PKD1: variants seen among roughly 807,000 people sequenced by gnomAD.
PKD1 encodes polycystin-1.
Under a neutral mutation model 361.7 loss-of-function variants are expected in PKD1, and 81 were observed. That is an observed-to-expected ratio of 0.22 (90% CI 0.19 to 0.27). The LOEUF (loss-of-function observed/expected upper bound fraction) is 0.27, where lower values mean the gene tolerates loss of function less well. Ranked by LOEUF, PKD1 falls within the 10% of genes least tolerant of loss-of-function variation. The probability of loss-of-function intolerance (pLI) is 1.00; values close to 1 mark genes in which losing one functional copy is unlikely to be tolerated. For missense variants in PKD1, 6,399 were observed against 6,118.3 expected (o/e 1.05, Z -1.53); for synonymous variants, 3,615 against 2,818.3 (o/e 1.28, Z -8.95).
At position 2,108,451 on chromosome 16, in the gene PKD1, G is replaced by A. The variant is rs770643642; in HGVS notation, c.6716C>T (p.Thr2239Met). The A allele has an allele frequency of 9.9e-6, 16 of 1,610,346 alleles. No individual in the cohort carries two copies. The highest frequency in any genetic ancestry group is 6.7e-5 in the Admixed American group (4 of 59,998). Residue 2239 changes from threonine to methionine, a missense_variant, in exon 15 of 46, where the codon ACG becomes ATG. Transcript: ENST00000262304. ...CFVFVVSFGD[T>M]PLTQSIQANV... ...GGCCTGGATGCTCTGTGTCAGTGGC[G>A]TGTCCCCAAATGACACGACAAACAC...
chr16:2,115,878 C>T (rs1464445505), intron 9 of PKD1, 114 bp downstream of exon 9: 1 of 1,259,172 alleles, frequency 7.9e-7, no homozygotes, highest in Admixed American at 2.0e-5. Context: ...GCTCTGTCCA[C>T]CTAAGACTGG....
In PKD1 at chr16:2,114,239, C is replaced by A; in HGVS notation, c.2784G>T (p.Ala928=). 6.2e-7 allele frequency: 1 copy of A among 1,609,938 alleles called. No homozygotes were observed. Among genetic ancestry groups the A allele is most frequent in the Non-Finnish European group, 8.5e-7 (1 of 1,179,318 alleles). Residue 928 remains alanine (A), a synonymous_variant, in exon 11 of 46, where the codon GCG becomes GCT. Coordinates refer to ENST00000262304, the MANE Select transcript of PKD1 (RefSeq NM_001009944.3). ...CGCGGAGGCCACAGATGGGCTCCTC[C>A]GCCGTCACCCGCAGGCTGAGGTTGG... The part of the protein sequence containing the change: ...SRANLSLRVT[A]EEPICGLRAT...
Position 2,088,761 on chromosome 16 carries a change from G to C in PKD1, c.*966C>G, listed in dbSNP as rs902572213. The stretch of plus-strand genomic sequence containing the variant: ...TTGTCTGCTTGGTGCGGGGGTTGGG[G>C]GGGTGTCGAGGCTCTAGAAGCGGCC... On this transcript the variant is annotated 3_prime_UTR_variant, in exon 46 of 46. Coordinates refer to ENST00000262304, the MANE Select transcript of PKD1 (RefSeq NM_001009944.3). The C allele has an allele frequency of 2.7e-6, 3 of 1,112,990 alleles. No individual in the cohort carries two copies. In the South Asian group the frequency reaches 4.7e-5, roughly 17 times the overall value. The allele number at this position is 1,112,990 out of a possible 1,614,324, so 68.9% of individuals were successfully genotyped here.
chr16:2,126,142 G>C (rs887969455), intron 1 of PKD1, among the ~76,000 whole-genome samples: 1 of 152,260 alleles, frequency 6.6e-6, no homozygotes, highest in African/African-American at 2.4e-5. Context: ...GCCAATGATG[G>C]TACGAGCCAT....
rs749549319 is a variant in PKD1, at chr16:2,110,849, A to G, written c.4318T>C (p.Ser1440Pro). The stretch of plus-strand genomic sequence containing the variant: ...GACGCGGTGACTGTCACAAGATAGG[A>G]GCCTGGGTCTCGGTAGATGAACGTC... ...EVTFIYRDPG[S>P]YLVTVTASNN... Residue 1440 changes from serine to proline, a missense_variant, in exon 15 of 46, where the codon TCC becomes CCC. Transcript: ENST00000262304. The G allele has an allele frequency of 3.0e-5, 49 of 1,611,550 alleles. No homozygotes were observed. The highest frequency in any genetic ancestry group is 4.2e-5 in the Non-Finnish European group (49 of 1,179,730).
Position 2,108,148 on chromosome 16 carries a change from C to G in PKD1, c.6915+104G>C. On this transcript the variant is annotated intron_variant, in intron 15 of 45. Transcript: ENST00000262304. Reference sequence around the variant, plus strand: ...CTCCCCATGCTGGGACGGGGCCCACCAGGCACTGAGGACGGGCCAGCCCTG... The same window carrying G: ...CTCCCCATGCTGGGACGGGGCCCACGAGGCACTGAGGACGGGCCAGCCCTG... 3.4e-6 allele frequency: 5 copies of G among 1,467,072 alleles called. No individual in the cohort carries two copies. The South Asian group carries it at 5.9e-5, about 17-fold the overall frequency. 90.9% of individuals were successfully genotyped at this position (1,467,072 alleles called of 1,614,324 possible).
chr16:2,094,121 T>G lies in PKD1; in HGVS notation c.10589A>C (p.Gln3530Pro), dbSNP rs1221238377. The change falls in exon 35 of 46, where the codon CAG (glutamine) becomes CCG (proline). Residue 3530 changes from glutamine to proline, a missense_variant. By Grantham distance (76) the Gln-to-Pro change is moderately conservative (BLOSUM62 -1). Coordinates refer to ENST00000262304, the MANE Select transcript of PKD1 (RefSeq NM_001009944.3). ...CCTGGACAGCCTCGCTGCCTGGGGC[T>G]GTTCCCAGTTCAGGCCTGGGCTGGG... is the stretch of plus-strand genomic sequence containing the variant. Reference protein sequence around the residue: ...GPPSPGLNWEQPQAARLSRTG... With the variant: ...GPPSPGLNWEPPQAARLSRTG... 4 of 1,594,066 alleles carry G rather than the reference T, an allele frequency of 2.5e-6. No homozygotes were observed. Among genetic ancestry groups the G allele is most frequent in the Non-Finnish European group, 3.4e-6 (4 of 1,169,958 alleles).
In PKD1 at chr16:2,093,361, G is replaced by A. The variant is rs566617655; in HGVS notation, c.11016+183C>T. The A allele has an allele frequency of 5.7e-5, 40 of 702,006 alleles. 1 individual carries two copies. Among genetic ancestry groups the A allele is most frequent in the African/African-American group, 4.4e-4 (25 of 56,352 alleles). 43.5% of individuals were successfully genotyped at this position (702,006 alleles called of 1,614,324 possible). On this transcript the variant is annotated intron_variant, in intron 37 of 45. Transcript: ENST00000262304. ...TGGGCATTGGAGCTGGGCCCTGGCA[G>A]GGACTGGGGCAGCAAGTGGGGGGCG...
In PKD1 at chr16:2,089,265, A is replaced by C. The variant is rs1156532485; in HGVS notation, c.*462T>G. ...TGACATACAAAAATATACACATTTT[A>C]ACACCATATAAATTACTGACACGAG... On this transcript the variant is annotated 3_prime_UTR_variant, in exon 46 of 46. Coordinates refer to ENST00000262304, the MANE Select transcript of PKD1 (RefSeq NM_001009944.3). 1 of 193,072 alleles carries C rather than the reference A, an allele frequency of 5.2e-6. No individual in the cohort carries two copies. The highest frequency in any genetic ancestry group is 1.1e-5 in the Non-Finnish European group (1 of 94,076). 12.0% of individuals were successfully genotyped at this position (193,072 alleles called of 1,614,324 possible). A position where few individuals can be genotyped will look rare whatever the true frequency, so the allele number is the denominator to read the frequency against.
At position 2,109,128 on chromosome 16, in the gene PKD1, G is replaced by C. The variant is rs754704809; in HGVS notation, c.6039C>G (p.Val2013=). 1.2e-6 allele frequency: 2 copies of C among 1,603,304 alleles called. No homozygotes were observed. The highest frequency in any genetic ancestry group is 1.7e-6 in the Non-Finnish European group (2 of 1,174,802). Reference sequence around the variant, plus strand: ...ACAGGATGACCAGCGAGTCGCCCTGGACCTTCTGCAGCGAGAAGTACCAGG... The same window carrying C: ...ACAGGATGACCAGCGAGTCGCCCTGCACCTTCTGCAGCGAGAAGTACCAGG... ...AYAWYFSLQK[V]QGDSLVILSG... The change falls in exon 15 of 46, where the codon GTC becomes GTG. Residue 2013 remains valine, a synonymous_variant. Transcript: ENST00000262304.
chr16:2,090,944 C>T lies in PKD1; in HGVS notation c.11943G>A (p.Ala3981=). The change falls in exon 43 of 46, where the codon GCG becomes GCA. Residue 3981 remains alanine (A), a synonymous_variant. Transcript: ENST00000262304. ...GGCCACGGGCTGCGGAGCTCAGCTG[C>T]GCCACCTGGTCGAAGCTAGTGAAGC... ...PRRFTSFDQV[A]QLSSAARGLA... 4 of 1,568,750 alleles carry T rather than the reference C, an allele frequency of 2.5e-6. No individual in the cohort carries two copies. Among genetic ancestry groups the T allele is most frequent in the East Asian group, 4.6e-5 (2 of 43,190 alleles).
chr16:2,105,986 G>T lies in PKD1; in HGVS notation c.7742C>A (p.Ala2581Glu), dbSNP rs150516444. 2.5e-6 allele frequency: 4 copies of T among 1,603,220 alleles called. No individual in the cohort carries two copies. In the African/African-American group the frequency reaches 5.3e-5, roughly 21 times the overall value. ...GTGCAGCCAGACTGTGAGCCCCGTTGCGCTGCCGTTGGGCTCTGGGAGGGT... is the reference window on the plus strand; with the variant it reads ...GTGCAGCCAGACTGTGAGCCCCGTTTCGCTGCCGTTGGGCTCTGGGAGGGT... ...AITLPEPNGS[A>E]TGLTVWLHGL... Residue 2581 changes from alanine to glutamate, a missense_variant, in exon 20 of 46, where the codon GCA (alanine) becomes GAA (glutamate). Transcript: ENST00000262304.
chr16:2,091,136 G>C lies in PKD1; in HGVS notation c.11751C>G (p.Ala3917=), dbSNP rs756473723. The change falls in exon 43 of 46, where the codon GCC becomes GCG. Residue 3917 remains alanine, a synonymous_variant. Coordinates refer to ENST00000262304, the MANE Select transcript of PKD1 (RefSeq NM_001009944.3). ...CTTCCCTGTGCCAAGTACGGGCCTC[G>C]GCCACGGCGAAGTGCACGGCGAACA... ...LLLFAVHFAV[A]EARTWHREGR... 1 of 1,483,028 alleles carries C rather than the reference G, an allele frequency of 6.7e-7. No homozygotes were observed. Among genetic ancestry groups the C allele is most frequent in the East Asian group, 2.9e-5 (1 of 35,056 alleles). The allele number at this position is 1,483,028 out of a possible 1,614,324, so 91.9% of individuals were successfully genotyped here.
intron 1 of PKD1, among the ~76,000 whole-genome samples, chr16:2,134,543 C>G (rs1573610): frequency 0.23 from 31,711 of 138,688 alleles, 5,220 homozygotes; most frequent in African/African-American, 0.47. Flanking sequence ...TTAGTCCCCT[C>G]CGCCCTTTTC....
At chr16:2,131,416 G>A (rs1271929837) in intron 1 of PKD1, among the ~76,000 whole-genome samples, 1 of 152,160 alleles carries the variant, frequency 6.6e-6, no homozygotes, top group Non-Finnish European at 1.5e-5. Flanking sequence ...GCTGAGGCAG[G>A]AGAATGGCGT....
chr16:2,116,766 C>A (rs1419976006), intron 7 of PKD1, 67 bp downstream of exon 7: 17 of 1,102,644 alleles, frequency 1.5e-5, no homozygotes, highest in South Asian at 1.1e-4. Context: ...CCAGGCTCCA[C>A]CGCGGGCGCT....
chr16:2,107,230 G>T, intron 16 of PKD1: 1 of 509,510 alleles, frequency 2.0e-6, no homozygotes. Flanking sequence ...GGGCCCCTGG[G>T]GGGATGCGTG....
rs2092595134 is a variant in PKD1, at chr16:2,114,436, C to T, written c.2587G>A (p.Gly863Arg). 6.2e-7 allele frequency: 1 copy of T among 1,600,346 alleles called. No individual in the cohort carries two copies. The highest frequency in any genetic ancestry group is 1.7e-5 in the Admixed American group (1 of 59,944). ...ANATATARWP[G>R]GSVSARFENV... ...TCAAAGCGGGCGCTGACACTGCCCC[C>T]AGGCCAGCGAGCCGTGGCCGTGGCG... The change falls in exon 11 of 46, where the codon GGG becomes AGG. Residue 863 changes from glycine to arginine, a missense_variant. Gly to Arg is a moderately radical substitution (Grantham distance 125). Transcript: ENST00000262304.
At chr16:2,103,003 G>C in intron 23 of PKD1, 33 bp from the exon 24 acceptor site, 2 of 1,597,998 alleles carry the variant, frequency 1.3e-6, no homozygotes, top group Non-Finnish European at 1.7e-6. Context: ...CACGCCTGCC[G>C]GGAAGCTCAA....
Sources: gnomAD v4.1 joint callset for allele counts (sites outside exome capture counted in the v4.1 genomes callset) on GRCh38, gnomAD v4.1.1 for gene constraint, MANE v1.5 for transcripts, NCBI Gene and HGNC (gene_info 2026-07-23, HGNC 2026-07-21) for gene names.